CALN1: variants seen among roughly 807,000 people sequenced by gnomAD.
CALN1 encodes the protein calneuron 1.
Under a neutral mutation model 30.6 loss-of-function variants are expected in CALN1, and 17 were observed. That is an observed-to-expected ratio of 0.56 (90% confidence interval 0.38 to 0.83). The LOEUF is 0.83. Ranked by LOEUF, CALN1 falls within the 40% of genes least tolerant of loss-of-function variation. CALN1 has a pLI of 0.00. For missense variants in CALN1, 291 were observed against 354.9 expected (o/e 0.82, Z 1.45); for synonymous variants, 156 against 131.4 (o/e 1.19, Z -1.28).
chr7:72,426,194 G>A (rs1161089367), intron 1 of CALN1, among the ~76,000 whole-genome samples: 1 of 152,244 alleles, frequency 6.6e-6, no homozygotes, highest in African/African-American at 2.4e-5. Context: ...AGAAGAAGGT[G>A]AGGGGCCCAG....
In CALN1 at chr7:71,785,112, G is replaced by A. The variant is rs1792917594; in HGVS notation, c.*2663C>T. 1 of 378,892 alleles carries A rather than the reference G, an allele frequency of 2.6e-6. No individual in the cohort carries two copies. The highest frequency in any genetic ancestry group is 4.7e-6 in the Non-Finnish European group (1 of 214,216). The allele number at this position is 378,892 out of a possible 1,614,324, so 23.5% of individuals were successfully genotyped here. A position where few individuals can be genotyped will look rare whatever the true frequency, so the allele number is the denominator to read the frequency against. On this transcript the variant is annotated 3_prime_UTR_variant, in exon 7 of 7. Transcript: ENST00000395275. The stretch of plus-strand genomic sequence containing the variant: ...CCTTCAGTCCCTGGGTGCCACATGG[G>A]GGGTTACCACAGTGGGAAGATAACT...
intron 3 of CALN1, among the ~76,000 whole-genome samples, chr7:72,184,517 C>T (rs996584816): frequency 1.3e-5 from 2 of 152,156 alleles, no homozygotes; most frequent in African/African-American, 2.4e-5. Flanking sequence ...ACAGTTCTGG[C>T]ACATAGGAAG....
intron 5 of CALN1, among the ~76,000 whole-genome samples, chr7:71,926,444 T>C (rs539439283): frequency 2.0e-5 from 3 of 152,314 alleles, no homozygotes; most frequent in African/African-American, 2.4e-5. Context: ...AATAGGCCTA[T>C]TGGAGAGCAA....
intron 4 of CALN1, among the ~76,000 whole-genome samples, chr7:72,088,001 A>T (rs1198257738): frequency 6.6e-6 from 1 of 152,106 alleles, no homozygotes; most frequent in Non-Finnish European, 1.5e-5. Context: ...CGCCTCTACC[A>T]AAAAGAAATT....
intron 4 of CALN1, among the ~76,000 whole-genome samples, chr7:72,025,096 A>T (rs1800969402): frequency 1.3e-5 from 2 of 152,252 alleles, no homozygotes; most frequent in Admixed American, 6.5e-5. Flanking sequence ...GGATGACCTG[A>T]GGTCAGGAGT....
chr7:72,336,185 G>A (rs116695995), intron 2 of CALN1, among the ~76,000 whole-genome samples: 10 of 152,172 alleles, frequency 6.6e-5, no homozygotes, highest in South Asian at 2.1e-4. Context: ...GGGGCCGGAG[G>A]TGGAGAGAAC....
chr7:71,924,800 G>A (rs1453575165), intron 5 of CALN1, among the ~76,000 whole-genome samples: 1 of 151,926 alleles, frequency 6.6e-6, no homozygotes, highest in Non-Finnish European at 1.5e-5. Context: ...TTCTATTGTT[G>A]TCAATCATTT....
chr7:71,902,342 T>C (rs1258793913), intron 5 of CALN1, among the ~76,000 whole-genome samples: 1 of 151,074 alleles, frequency 6.6e-6, no homozygotes, highest in Non-Finnish European at 1.5e-5. Context: ...ATCAGAGAAA[T>C]GCAAATTATA....
chr7:72,398,755 A>C (rs1357387797), intron 2 of CALN1, among the ~76,000 whole-genome samples: 2 of 152,246 alleles, frequency 1.3e-5, no homozygotes, highest in African/African-American at 4.8e-5. Context: ...CCAAATACAT[A>C]CGCACACACC....
At chr7:72,256,450 C>A (rs1795918143) in intron 3 of CALN1, among the ~76,000 whole-genome samples, 1 of 151,958 alleles carries the variant, frequency 6.6e-6, no homozygotes, top group Non-Finnish European at 1.5e-5. Flanking sequence ...AAGAGCAAGA[C>A]CCCATCTCTA....
intron 2 of CALN1, among the ~76,000 whole-genome samples, chr7:72,339,523 A>T (rs1802285049): frequency 6.6e-6 from 1 of 152,210 alleles, no homozygotes; most frequent in Non-Finnish European, 1.5e-5. Context: ...CTTGATAAGC[A>T]AGAAGGTAAT....
At chr7:72,025,666 C>T (rs1399727219) in intron 4 of CALN1, among the ~76,000 whole-genome samples, 1 of 152,156 alleles carries the variant, frequency 6.6e-6, no homozygotes, top group Non-Finnish European at 1.5e-5. Context: ...ACCCTCTGAA[C>T]TGCTCAAAAG....
intron 2 of CALN1, 110 bp downstream of exon 2, chr7:72,403,141 T>C (rs916252132): frequency 2.7e-6 from 2 of 731,326 alleles, no homozygotes; most frequent in Non-Finnish European, 4.4e-6. Flanking sequence ...TAGATTCTCC[T>C]CTCCAGCCTA....
At chr7:72,165,022 G>C (rs1788423843) in intron 3 of CALN1, among the ~76,000 whole-genome samples, 1 of 152,054 alleles carries the variant, frequency 6.6e-6, no homozygotes, top group African/African-American at 2.4e-5. Flanking sequence ...TGGTTACATA[G>C]GCATATACAT....
At chr7:71,797,840 C>T (rs1042408062) in intron 6 of CALN1, among the ~76,000 whole-genome samples, 6 of 152,142 alleles carry the variant, frequency 3.9e-5, no homozygotes, top group Non-Finnish European at 8.8e-5. Context: ...ACCTTTTCCA[C>T]CATCGCAAAC....
the CALN1 span, among the ~76,000 whole-genome samples, chr7:72,500,269 CTTTTTTTTTT>C: frequency 2.2e-3 from 114 of 51,378 alleles, no homozygotes; most frequent in Non-Finnish European, 3.3e-3. Flanking sequence ...TTCGTTCCTT[CTTTTTTTTTT>C]TTTTTTTTTT....
chr7:72,037,477 C>T (rs10215647), intron 4 of CALN1, among the ~76,000 whole-genome samples: 40 of 152,204 alleles, frequency 2.6e-4, no homozygotes, highest in African/African-American at 9.4e-4. Context: ...ATAGTCGAAC[C>T]ATATCATTTA....
At chr7:72,029,349 C>T (rs992739721) in intron 4 of CALN1, among the ~76,000 whole-genome samples, 16 of 152,222 alleles carry the variant, frequency 1.1e-4, no homozygotes, top group East Asian at 3.9e-4. Context: ...CTTCTGACCT[C>T]GTGATCCGCC....
At chr7:71,790,180 C>CA (rs1793246985) in intron 6 of CALN1, among the ~76,000 whole-genome samples, 2 of 135,346 alleles carry the variant, frequency 1.5e-5, no homozygotes, top group African/African-American at 5.6e-5. Flanking sequence ...AAGAAAGAAT[C>CA]AAAGAAAGAG....
Sources: allele counts gnomAD v4.1 joint callset (sites outside exome capture counted in the v4.1 genomes callset), GRCh38; gene constraint gnomAD v4.1.1; transcripts MANE v1.5; gene names NCBI Gene and HGNC (gene_info 2026-07-23, HGNC 2026-07-21).